The following ZC3H14 variants were observed in gnomAD, a reference collection of about 807,000 sequenced individuals.
ZC3H14 encodes the protein zinc finger CCCH-type containing 14.
A neutral mutation model predicts 92.4 loss-of-function variants in ZC3H14; 31 were observed. The observed-to-expected ratio is 0.34, with a 90% CI of 0.25 to 0.45. The LOEUF (loss-of-function observed/expected upper bound fraction) is 0.45. Ranked by LOEUF, ZC3H14 falls within the 20% of genes least tolerant of loss-of-function variation. ZC3H14 has a pLI of 1.00. For synonymous variants in ZC3H14, 321 were observed against 300.9 expected (o/e 1.07, Z -0.69); for missense variants, 781 against 897.3 (o/e 0.87, Z 1.66).
rs553026860 is a variant in ZC3H14, at chr14:88,567,404, C to T, written c.80-635C>T. On this transcript the variant is annotated intron_variant, in intron 2 of 16. Transcript: ENST00000251038. ...TGCTGGGATTACAGGCATGAGCCAC[C>T]GCGCCTGGCCTTTTTTCTTTTTTTT... is the stretch of plus-strand genomic sequence containing the variant. 2.5e-4 allele frequency among the ~76,000 whole-genome samples: 37 copies of T among 149,966 alleles called. No individual in the cohort carries two copies. In the East Asian group the frequency reaches 3.9e-3, roughly 16 times the overall value.
chr14:88,609,222 A>C (rs2086127104), intron 13 of ZC3H14, 45 bp from the exon 14 acceptor site: 1 of 1,612,310 alleles, frequency 6.2e-7, no homozygotes, highest in African/African-American at 1.3e-5. Context: ...CTAATAATGC[A>C]TTGAGAAGAT....
intron 13 of ZC3H14, among the ~76,000 whole-genome samples, chr14:88,607,790 A>C: frequency 9.1e-6 from 1 of 110,002 alleles, no homozygotes; most frequent in Non-Finnish European, 1.8e-5. Context: ...CACCCACTTC[A>C]CCCTGCAAGT....
rs754958513 is a variant in ZC3H14 at position 88,607,350 on chromosome 14, A to G, written c.1855A>G (p.Ile619Val). The change falls in exon 13 of 17, where the codon ATC (isoleucine) becomes GTC (valine). Residue 619 changes from isoleucine to valine, a missense_variant. Ile to Val is a conservative substitution (Grantham distance 29). This residue lies in a region of ZC3H14 where 221 missense variants were observed against 304.7 expected (regional missense o/e 0.73). Coordinates refer to ENST00000251038, the MANE Select transcript of ZC3H14 (RefSeq NM_024824.5). ...GGATGAGTGTGCCTACCATCACCCC[A>G]TCTCACCCTGCAAGTGAGTACCATC... ...NGDECAYHHP[I>V]SPCKAFPNCK... 7 of 1,610,034 alleles carry G rather than the reference A, an allele frequency of 4.3e-6. No homozygotes were observed. The African/African-American group carries it at 6.8e-5, about 16-fold the overall frequency.
chr14:88,576,634 G>T (rs2081193462), intron 8 of ZC3H14, among the ~76,000 whole-genome samples: 1 of 152,158 alleles, frequency 6.6e-6, no homozygotes, highest in African/African-American at 2.4e-5. Flanking sequence ...GTAAACTTGT[G>T]TTAAGAAGCT....
chr14:88,587,638 T>C (rs999848190), intron 9 of ZC3H14, among the ~76,000 whole-genome samples: 4 of 152,172 alleles, frequency 2.6e-5, no homozygotes, highest in African/African-American at 9.7e-5. Flanking sequence ...ACAGTAAGCA[T>C]TTACACTGTT....
intron 9 of ZC3H14, among the ~76,000 whole-genome samples, chr14:88,589,055 AT>A (rs1417706057): frequency 6.6e-6 from 1 of 151,836 alleles, no homozygotes; most frequent in Non-Finnish European, 1.5e-5. Flanking sequence ...TCAGAGTCAG[AT>A]TTTATGCTTT....
At chr14:88,598,567 C>T (rs1049626340) in intron 10 of ZC3H14, among the ~76,000 whole-genome samples, 1 of 152,188 alleles carries the variant, frequency 6.6e-6, no homozygotes, top group Non-Finnish European at 1.5e-5. Context: ...CCACTTTCTC[C>T]AAGGGAGAAT....
In ZC3H14 at chr14:88,616,341, G is replaced by A; in HGVS notation, c.*4590G>A. 2 of 1,183,350 alleles carry A rather than the reference G, an allele frequency of 1.7e-6. No homozygotes were observed. Among genetic ancestry groups the A allele is most frequent in the East Asian group, 4.7e-5 (2 of 42,476 alleles). The allele number at this position is 1,183,350 out of a possible 1,614,324, so 73.3% of individuals were successfully genotyped here. On this transcript the variant is annotated 3_prime_UTR_variant, in exon 17 of 17. Transcript: ENST00000251038. ...ATCTCTATGACAAGAGCTGTGGAGA[G>A]AGTAGGGAGTTAGCACCGCAGCCAG...
In ZC3H14 at chr14:88,615,860, A is replaced by G. The variant is rs1464441607; in HGVS notation, c.*4109A>G. The stretch of plus-strand genomic sequence containing the variant: ...CACATTTCCAGACAAATAAGCTGCA[A>G]TCAGAGAAGAAAATTGCAGGGAGTT... On this transcript the variant is annotated 3_prime_UTR_variant, in exon 17 of 17. Coordinates refer to ENST00000251038, the MANE Select transcript of ZC3H14 (RefSeq NM_024824.5). 10 of 1,610,456 alleles carry G rather than the reference A, an allele frequency of 6.2e-6. No homozygotes were observed. Among genetic ancestry groups the G allele is most frequent in the East Asian group, 4.5e-5 (2 of 44,850 alleles).
intron 9 of ZC3H14, chr14:88,595,045 G>A: frequency 6.2e-7 from 1 of 1,613,510 alleles, no homozygotes; most frequent in Non-Finnish European, 8.5e-7. Flanking sequence ...TCAAGAAGAA[G>A]ATACTGAATC....
In ZC3H14 at chr14:88,616,620, A is replaced by C; in HGVS notation, c.*4869A>C. The C allele has an allele frequency of 8.3e-7, 1 of 1,205,084 alleles. No individual in the cohort carries two copies. Among genetic ancestry groups the C allele is most frequent in the Non-Finnish European group, 1.1e-6 (1 of 887,064 alleles). The allele number at this position is 1,205,084 out of a possible 1,614,324, so 74.6% of individuals were successfully genotyped here. ...ATAGATTTAGAAAGTTTGGGGAAAA[A>C]TTTAGAAATTAGGACAAAACATTTT... On this transcript the variant is annotated 3_prime_UTR_variant, in exon 17 of 17. Coordinates refer to ENST00000251038, the MANE Select transcript of ZC3H14 (RefSeq NM_024824.5).
At chr14:88,566,890 A>C (rs576016150) in intron 2 of ZC3H14, among the ~76,000 whole-genome samples, 1 of 151,816 alleles carries the variant, frequency 6.6e-6, no homozygotes, top group East Asian at 1.9e-4. Flanking sequence ...ACTACACTCC[A>C]ACCTGGGAGA....
intron 9 of ZC3H14, 41 bp from the exon 10 acceptor site, chr14:88,596,693 T>C: frequency 6.4e-7 from 1 of 1,555,012 alleles, no homozygotes; most frequent in Non-Finnish European, 8.9e-7. Context: ...TGGTATTGTC[T>C]GTGTTGTAAG....
At chr14:88,564,065 G>C (rs963824227) in intron 2 of ZC3H14, among the ~76,000 whole-genome samples, 2 of 152,108 alleles carry the variant, frequency 1.3e-5, no homozygotes, top group Admixed American at 1.3e-4. Context: ...AGCCTCCCTA[G>C]GTGCTGGGAG....
chr14:88,583,273 C>T (rs897591551), intron 9 of ZC3H14, among the ~76,000 whole-genome samples: 1 of 151,868 alleles, frequency 6.6e-6, no homozygotes, highest in Admixed American at 6.6e-5. Flanking sequence ...CACGCCACCA[C>T]GCCCAGCTAA....
Position 88,564,624 on chromosome 14 carries a change from A to T in ZC3H14, c.79+931A>T, listed in dbSNP as rs552582431. 4.6e-5 allele frequency among the ~76,000 whole-genome samples: 7 copies of T among 152,358 alleles called. No individual in the cohort carries two copies. The South Asian group carries it at 1.2e-3, about 27-fold the overall frequency. On this transcript the variant is annotated intron_variant, in intron 2 of 16. Transcript: ENST00000251038. ...TGTGGTGGTGGTGTTTGGATTGTGT[A>T]AAACTAATGGTTGATAAAACTTGTC...
intron 10 of ZC3H14, 62 bp downstream of exon 10, chr14:88,596,870 C>A (rs2083905493): frequency 7.3e-7 from 1 of 1,367,612 alleles, no homozygotes; most frequent in Non-Finnish European, 1.0e-6. Flanking sequence ...CCATTTCTTA[C>A]ACCCCATTTA....
chr14:88,570,869 A>G (rs2080293546), intron 3 of ZC3H14, among the ~76,000 whole-genome samples: 2 of 152,140 alleles, frequency 1.3e-5, no homozygotes, highest in African/African-American at 4.8e-5. Flanking sequence ...TAATCTCAAC[A>G]CTTTGGGAGG....
rs2089685730 is a variant in ZC3H14 at position 88,624,879 on chromosome 14, T to G, written c.*13128T>G. 4.9e-6 allele frequency: 7 copies of G among 1,435,204 alleles called. No individual in the cohort carries two copies. Among genetic ancestry groups the G allele is most frequent in the Middle Eastern group, 3.6e-4 (2 of 5,522 alleles). The allele number at this position is 1,435,204 out of a possible 1,614,324, so 88.9% of individuals were successfully genotyped here. On this transcript the variant is annotated 3_prime_UTR_variant, in exon 17 of 17. Transcript: ENST00000251038. Reference sequence around the variant, plus strand: ...AGGAGGAAGGTCGGAGAGGACACTCTGTGTAGCCTAGAAACAACTAGAATA... The same window carrying G: ...AGGAGGAAGGTCGGAGAGGACACTCGGTGTAGCCTAGAAACAACTAGAATA...
Sources: gnomAD v4.1 joint callset for allele counts (sites outside exome capture counted in the v4.1 genomes callset) on GRCh38, gnomAD v4.1.1 for gene constraint, gnomAD v4.1.1 regional missense constraint, MANE v1.5 for transcripts, NCBI Gene and HGNC (gene_info 2026-07-23, HGNC 2026-07-21) for gene names.